DPP10: variants seen among roughly 807,000 people sequenced by gnomAD.
DPP10 encodes dipeptidyl peptidase like 10.
Under a neutral mutation model 120.9 loss-of-function variants are expected in DPP10, and 33 were observed. That is an observed-to-expected ratio of 0.27 (90% CI 0.21 to 0.37). The LOEUF is 0.37. DPP10 is among the 10% of genes least tolerant of loss of function. DPP10 has a pLI of 1.00. For synonymous variants in DPP10, 337 were observed against 326.1 expected (o/e 1.03, Z -0.36); for missense variants, 816 against 942.8 (o/e 0.87, Z 1.76).
chr2:115,340,827 C>T (rs1334684530), intron 2 of DPP10, among the ~76,000 whole-genome samples: 2 of 151,732 alleles, frequency 1.3e-5, no homozygotes, highest in Non-Finnish European at 2.9e-5. Context: ...CATAATTTCT[C>T]TCACTGAAAT....
At chr2:115,512,530 G>C (rs1375151) in intron 4 of DPP10, among the ~76,000 whole-genome samples, 32,088 of 150,826 alleles carry the variant, frequency 0.21, 3,869 homozygotes, top group East Asian at 0.39. Flanking sequence ...GATTTTTACA[G>C]CTAATAATTT....
chr2:115,182,805 C>T (rs1294622898), intron 1 of DPP10, among the ~76,000 whole-genome samples: 1 of 152,124 alleles, frequency 6.6e-6, no homozygotes, highest in African/African-American at 2.4e-5. Context: ...CCTTTGCTTC[C>T]CACTCCTCCA....
chr2:115,328,540 A>G (rs745650995), intron 2 of DPP10, among the ~76,000 whole-genome samples: 1 of 152,102 alleles, frequency 6.6e-6, no homozygotes, highest in Non-Finnish European at 1.5e-5. Context: ...GAAAGAGCCT[A>G]GTATAAGATA....
intron 1 of DPP10, among the ~76,000 whole-genome samples, chr2:115,072,428 C>G (rs1451748241): frequency 3.9e-5 from 6 of 151,944 alleles, no homozygotes; most frequent in Non-Finnish European, 8.8e-5. Context: ...AGTACAGCAG[C>G]TTTAAATTCA....
intron 1 of DPP10, among the ~76,000 whole-genome samples, chr2:114,585,990 G>A (rs114315823): frequency 6.6e-6 from 1 of 152,184 alleles, no homozygotes; most frequent in Non-Finnish European, 1.5e-5. Context: ...GCTCACACCT[G>A]TAATCCCAGC....
At chr2:115,223,783 G>C (rs937867662) in intron 1 of DPP10, among the ~76,000 whole-genome samples, 1 of 152,084 alleles carries the variant, frequency 6.6e-6, no homozygotes, top group Admixed American at 6.6e-5. Flanking sequence ...CGAAGAAAAT[G>C]ATTAATAGCA....
chr2:115,430,478 G>C (rs544901991), intron 3 of DPP10, among the ~76,000 whole-genome samples: 6 of 152,196 alleles, frequency 3.9e-5, no homozygotes, highest in Middle Eastern at 3.4e-3. Context: ...GTAACATTGA[G>C]GCTCCTTTAC....
intron 1 of DPP10, among the ~76,000 whole-genome samples, chr2:114,719,371 A>C (rs1701558429): frequency 6.6e-6 from 1 of 152,202 alleles, no homozygotes; most frequent in African/African-American, 2.4e-5. Context: ...CTGGCACAAG[A>C]TGCGACATAT....
rs142234778 is a variant in DPP10 at position 114,665,082 on chromosome 2, G to A, written c.60+222244G>A. Among the ~76,000 whole-genome samples the A allele has an allele frequency of 7.0e-4, 107 of 152,274 alleles. 1 individual carries two copies. The East Asian group carries it at 0.017, about 24-fold the overall frequency. Reference sequence around the variant, plus strand: ...GGGGACTCTGGAGTCCCCTGAAATCGCATAGGTCTCCTATAAATTCATCAG... The same window carrying A: ...GGGGACTCTGGAGTCCCCTGAAATCACATAGGTCTCCTATAAATTCATCAG... On this transcript the variant is annotated intron_variant, in intron 1 of 25. Transcript: ENST00000410059.
At chr2:115,661,196 G>A (rs889972134) in intron 5 of DPP10, among the ~76,000 whole-genome samples, 1 of 151,970 alleles carries the variant, frequency 6.6e-6, no homozygotes, top group Non-Finnish European at 1.5e-5. Context: ...TGATCCACCC[G>A]CCTCAGCCTC....
chr2:115,181,897 A>G (rs995175541), intron 1 of DPP10, among the ~76,000 whole-genome samples: 25 of 152,212 alleles, frequency 1.6e-4, no homozygotes, highest in African/African-American at 5.8e-4. Context: ...TAAGGATAAA[A>G]GCGATGTCAT....
intron 5 of DPP10, among the ~76,000 whole-genome samples, chr2:115,667,135 G>C (rs1349625767): frequency 6.6e-6 from 1 of 152,004 alleles, no homozygotes; most frequent in Non-Finnish European, 1.5e-5. Context: ...ATGTTTGTTA[G>C]CCATTTGTGT....
At chr2:115,441,080 G>A (rs1208916394) in intron 3 of DPP10, 1 of 152,116 alleles carries the variant, frequency 6.6e-6, no homozygotes, top group African/African-American at 2.4e-5. Flanking sequence ...AAAGAGACAA[G>A]CAGGATAAAA....
At position 114,954,874 on chromosome 2, in the gene DPP10, A is replaced by T. The variant is rs2104670029; in HGVS notation, c.61-354365A>T. 1.3e-5 allele frequency among the ~76,000 whole-genome samples: 2 copies of T among 152,334 alleles called. 1 individual carries two copies. ...ATTTGATTACCCAGAAGAAATAGAT[A>T]TATTTCTGGAAATGTATAAACTACA... On this transcript the variant is annotated intron_variant, in intron 1 of 25. Coordinates refer to ENST00000410059, the MANE Select transcript of DPP10 (RefSeq NM_020868.6).
At chr2:115,003,826 G>C in intron 1 of DPP10, among the ~76,000 whole-genome samples, 1 of 151,836 alleles carries the variant, frequency 6.6e-6, no homozygotes, top group East Asian at 1.9e-4. Context: ...CTATTGACTT[G>C]ATTTATTCCA....
chr2:115,025,985 G>A (rs1703432543), intron 1 of DPP10, among the ~76,000 whole-genome samples: 1 of 151,964 alleles, frequency 6.6e-6, no homozygotes, highest in Non-Finnish European at 1.5e-5. Context: ...TCTTCACTTT[G>A]TTGATTTTTT....
chr2:114,579,534 C>G (rs149915077), intron 1 of DPP10, among the ~76,000 whole-genome samples: 213 of 152,268 alleles, frequency 1.4e-3, no homozygotes, highest in Non-Finnish European at 2.6e-3. Flanking sequence ...CCTAAGAGAA[C>G]CTTTTACCCC....
intron 11 of DPP10, among the ~76,000 whole-genome samples, chr2:115,760,281 A>G (rs1482265215): frequency 6.6e-6 from 1 of 152,182 alleles, no homozygotes; most frequent in African/African-American, 2.4e-5. Context: ...AGCGAATCTC[A>G]AAAACAAGTG....
chr2:114,464,809 G>A lies in DPP10; in HGVS notation c.60+21971G>A, dbSNP rs145195462. ...GAACCCAGGAGGCAGAGATTGACGTGAGCCGAGATCGTGCCACTGCACTCC... is the reference window on the plus strand; with the variant it reads ...GAACCCAGGAGGCAGAGATTGACGTAAGCCGAGATCGTGCCACTGCACTCC... On this transcript the variant is annotated intron_variant, in intron 1 of 25. Transcript: ENST00000410059. Among the ~76,000 whole-genome samples the A allele has an allele frequency of 3.1e-3, 466 of 152,286 alleles. 1 individual carries two copies. The highest frequency in any genetic ancestry group is 0.011 in the African/African-American group (449 of 41,550).
Sources: gnomAD v4.1 joint callset for allele counts (sites outside exome capture counted in the v4.1 genomes callset) on GRCh38, gnomAD v4.1.1 for gene constraint, MANE v1.5 for transcripts, NCBI Gene and HGNC (gene_info 2026-07-23, HGNC 2026-07-21) for gene names.